The following AKTIP variants were observed in gnomAD, a reference collection of about 807,000 sequenced individuals.
AKTIP encodes AKT-interacting protein.
A neutral mutation model predicts 39.1 loss-of-function variants in AKTIP; 16 were observed. The observed-to-expected ratio is 0.41, with a 90% confidence interval of 0.28 to 0.62. AKTIP has a LOEUF of 0.62. Among genes scored for constraint, AKTIP ranks in the 20% least tolerant of loss-of-function variants. AKTIP has a pLI of 0.32. For missense variants in AKTIP, 262 were observed against 356.6 expected, an observed-to-expected ratio of 0.73 and a Z score of 2.14; for synonymous variants, 93 against 124.3, an observed-to-expected ratio of 0.75 and a Z score of 1.67.
At chr16:53,502,836 G>A (rs1054104327) in intron 1 of AKTIP, 1 of 152,096 alleles carries the variant, frequency 6.6e-6, no homozygotes, top group South Asian at 2.1e-4. Flanking sequence ...CTCGGGGTCG[G>A]GACCCGGCCG....
At position 53,494,124 on chromosome 16, in the gene AKTIP, G is replaced by A. The variant is rs1351309006; in HGVS notation, c.710+14C>T. The stretch of plus-strand genomic sequence containing the variant: ...AGGACAGTGGACAGTTCACTTGGGG[G>A]ATGCACCACTTACCTAATTGCATAG... On this transcript the variant is annotated intron_variant, in intron 8 of 9. Coordinates refer to ENST00000394657, the MANE Select transcript of AKTIP (RefSeq NM_022476.4). The A allele has an allele frequency of 6.3e-7, 1 of 1,581,688 alleles. No individual in the cohort carries two copies. Among genetic ancestry groups the A allele is most frequent in the Non-Finnish European group, 8.7e-7 (1 of 1,150,870 alleles).
chr16:53,492,470 C>T lies in AKTIP; in HGVS notation c.821G>A (p.Trp274Ter). The change falls in exon 10 of 10, where the codon TGG becomes TAG. Residue 274 changes from tryptophan (W) to a stop codon, truncating the protein, a stop_gained. Transcript: ENST00000394657. LOFTEE classifies it high-confidence loss of function. ...AGGCTGTACTGAGCCAGGCTTTACC[C>T]ATGACAGGCCAGCAACATGAACACT... ...NKSVHVAGLS[W>*]VKPGSVQPFS... The T allele has an allele frequency of 6.2e-7, 1 of 1,613,694 alleles. No individual in the cohort carries two copies. Among genetic ancestry groups the T allele is most frequent in the Non-Finnish European group, 8.5e-7 (1 of 1,180,030 alleles).
rs1006100025 is a variant in AKTIP, at chr16:53,503,204, T to C, written c.-128A>G. On this transcript the variant is annotated 5_prime_UTR_variant, in exon 1 of 10. The change abolishes an upstream ATG in the 5' untranslated region. Coordinates refer to ENST00000394657, the MANE Select transcript of AKTIP (RefSeq NM_022476.4). ...CAAGCGCCGCCGCGGCCCGACAGCA[T>C]CTCCCGCCGCAGCGCCAGCCCTGCC... 134 of 154,150 alleles carry C rather than the reference T, an allele frequency of 8.7e-4. 3 individuals are homozygous for C. In the Middle Eastern group the frequency reaches 0.016, roughly 19 times the overall value. The allele number at this position is 154,150 out of a possible 1,614,324, so 9.5% of individuals were successfully genotyped here. A position where few individuals can be genotyped will look rare whatever the true frequency, so the allele number is the denominator to read the frequency against.
chr16:53,499,181 T>G (rs1282570065), intron 2 of AKTIP, among the ~76,000 whole-genome samples: 1 of 152,236 alleles, frequency 6.6e-6, no homozygotes, highest in Non-Finnish European at 1.5e-5. Flanking sequence ...AAGGTCGACA[T>G]GAGTCAGAGA....
At chr16:53,498,779 G>C (rs1486945085) in intron 2 of AKTIP, among the ~76,000 whole-genome samples, 183 bp from the exon 3 acceptor site, 1 of 152,182 alleles carries the variant, frequency 6.6e-6, no homozygotes. Context: ...CAAACCTGAA[G>C]CAAGACCAAA....
At chr16:53,492,620 A>G in intron 9 of AKTIP, 73 bp downstream of exon 9, 1 of 1,599,152 alleles carries the variant, frequency 6.3e-7, no homozygotes, top group Non-Finnish European at 8.6e-7. Flanking sequence ...GTATGTAATG[A>G]GCAGTCTCCA....
upstream of AKTIP, among the ~76,000 whole-genome samples, chr16:53,503,624 G>C (rs1411284582): frequency 6.6e-6 from 1 of 152,228 alleles, no homozygotes. Flanking sequence ...ACAGCCCACA[G>C]CGCAACCGCC....
chr16:53,501,316 G>C (rs975953522), intron 1 of AKTIP: 2 of 152,162 alleles, frequency 1.3e-5, no homozygotes, highest in Non-Finnish European at 2.9e-5. Flanking sequence ...CCAGACAAAT[G>C]CAACACAGGC....
chr16:53,500,127 C>T, intron 2 of AKTIP, 91 bp downstream of exon 2: 1 of 958,198 alleles, frequency 1.0e-6, no homozygotes, highest in Non-Finnish European at 1.6e-6. Context: ...TTACAGGTGA[C>T]CGTGACAGAT....
In AKTIP at chr16:53,492,377, C is replaced by A; in HGVS notation, c.*35G>T. On this transcript the variant is annotated 3_prime_UTR_variant, in exon 10 of 10. Coordinates refer to ENST00000394657, the MANE Select transcript of AKTIP (RefSeq NM_022476.4). ...CAGCTTGAACTAGGCCAGAGTCTAGCAGGAAAGTGCATGGTGCACCAGATT... is the reference window on the plus strand; with the variant it reads ...CAGCTTGAACTAGGCCAGAGTCTAGAAGGAAAGTGCATGGTGCACCAGATT... The A allele has an allele frequency of 6.3e-7, 1 of 1,584,388 alleles. No individual in the cohort carries two copies. The highest frequency in any genetic ancestry group is 8.7e-7 in the Non-Finnish European group (1 of 1,155,364).
intron 2 of AKTIP, 52 bp from the exon 3 acceptor site, chr16:53,498,648 A>G (rs1309519492): frequency 6.4e-7 from 1 of 1,554,206 alleles, no homozygotes; most frequent in Non-Finnish European, 8.9e-7. Context: ...CTTAAATCAC[A>G]AGAGTACATT....
chr16:53,497,806 A>G (rs780879884), intron 3 of AKTIP, among the ~76,000 whole-genome samples: 1 of 152,222 alleles, frequency 6.6e-6, no homozygotes, highest in Non-Finnish European at 1.5e-5. Flanking sequence ...CTGGAGTGCA[A>G]TGGCACAATC....
rs1445400618 is a variant in AKTIP at position 53,498,377 on chromosome 16, T to C, written c.248+14A>G. ...TCATTCCTAATTTAACCAAATAGTT[T>C]GTTAAGGACTTACAATTCTGCAAGA... On this transcript the variant is annotated intron_variant, in intron 3 of 9. Transcript: ENST00000394657. The C allele has an allele frequency of 4.3e-6, 7 of 1,612,406 alleles. No individual in the cohort carries two copies. Among genetic ancestry groups the C allele is most frequent in the East Asian group, 4.5e-5 (2 of 44,886 alleles).
Position 53,495,319 on chromosome 16 carries a change from C to A in AKTIP, c.256G>T (p.Val86Phe). 6.2e-7 allele frequency: 1 copy of A among 1,614,156 alleles called. No individual in the cohort carries two copies. The highest frequency in any genetic ancestry group is 8.5e-7 in the Non-Finnish European group (1 of 1,180,020). The change falls in exon 4 of 10, where the codon GTT (valine) becomes TTT (phenylalanine). Residue 86 changes from valine (V) to phenylalanine (F), a missense_variant. Around this residue, in one of 4 missense-constraint regions of AKTIP, gnomAD observed 88 missense variants for 132.1 expected, o/e 0.67. Transcript: ENST00000394657. ...EYSLLAEFTL[V>F]VKQKLPGVYV... ...ACGCCTGGTAGCTTCTGCTTCACAA[C>A]CAAGGTACTACAACAAAAGCAGAAT...
chr16:53,503,516 C>T (rs923087519), upstream of AKTIP, among the ~76,000 whole-genome samples: 1 of 152,196 alleles, frequency 6.6e-6, no homozygotes, highest in Non-Finnish European at 1.5e-5. Context: ...AGTATCGGCC[C>T]CCCGGGGAGG....
intron 3 of AKTIP, 126 bp from the exon 4 acceptor site, chr16:53,495,452 G>A (rs1417795182): frequency 1.2e-6 from 1 of 832,074 alleles, no homozygotes; most frequent in South Asian, 1.6e-5. Flanking sequence ...AACCCTGCAA[G>A]CCAAGTTCTC....
Position 53,493,807 on chromosome 16 carries a change from G to A in AKTIP, c.710+331C>T, listed in dbSNP as rs183113483. 3.2e-5 allele frequency: 9 copies of A among 280,284 alleles called. No individual in the cohort carries two copies. In the Admixed American group the frequency reaches 3.7e-4, roughly 12 times the overall value. The allele number at this position is 280,284 out of a possible 1,614,324, so 17.4% of individuals were successfully genotyped here. ...TTACCACATCTGAATGTCAATGAGG[G>A]TTTGGCAGTTTAAGAGGGGCTCCAG... On this transcript the variant is annotated intron_variant, in intron 8 of 9. Transcript: ENST00000394657.
At chr16:53,493,859 T>G in intron 8 of AKTIP, 1 of 402,038 alleles carries the variant, frequency 2.5e-6, no homozygotes, top group Non-Finnish European at 4.5e-6. Context: ...AAAAGAAGAG[T>G]CCTGACATGG....
intron 8 of AKTIP, chr16:53,493,177 C>G (rs1279739051): frequency 5.9e-6 from 1 of 169,944 alleles, no homozygotes; most frequent in Admixed American, 5.6e-5. Context: ...TCAGGCCATT[C>G]TCCTGCTTCA....
Sources: allele counts gnomAD v4.1 joint callset (sites outside exome capture counted in the v4.1 genomes callset), GRCh38; gene constraint gnomAD v4.1.1; regional missense constraint gnomAD v4.1.1; transcripts MANE v1.5; gene names NCBI Gene and HGNC (gene_info 2026-07-23, HGNC 2026-07-21).